The following ADAM12 variants were observed in gnomAD, a reference collection of about 807,000 sequenced individuals.
ADAM12 encodes disintegrin and metalloproteinase domain-containing protein 12.
In ADAM12, 70 loss-of-function variants were observed where a neutral mutation model predicts 106.4. That is an observed-to-expected ratio of 0.66 (90% CI 0.54 to 0.80). The LOEUF (loss-of-function observed/expected upper bound fraction) is 0.80, where lower values mean the gene tolerates loss of function less well. Ranked by LOEUF, ADAM12 falls within the 30% of genes least tolerant of loss-of-function variation. ADAM12 has a pLI of 0.00. For missense variants in ADAM12, 1,010 were observed against 1,171.9 expected (o/e 0.86, Z 2.02); for synonymous variants, 420 against 433.5 (o/e 0.97, Z 0.39).
intron 2 of ADAM12, among the ~76,000 whole-genome samples, chr10:126,290,204 A>G (rs1960085300): frequency 6.6e-6 from 1 of 152,128 alleles, no homozygotes; most frequent in Non-Finnish European, 1.5e-5. Flanking sequence ...GAAAATAGGA[A>G]CCATGTTCCT....
intron 3 of ADAM12, among the ~76,000 whole-genome samples, chr10:126,252,178 G>A (rs1473763513): frequency 1.2e-4 from 1 of 8,678 alleles, no homozygotes; most frequent in Non-Finnish European, 2.7e-4. Flanking sequence ...ATGATGGATG[G>A]ACTCAATGGA....
At chr10:126,268,111 C>T (rs918715849) in intron 3 of ADAM12, among the ~76,000 whole-genome samples, 2 of 152,164 alleles carry the variant, frequency 1.3e-5, no homozygotes, top group East Asian at 1.9e-4. Flanking sequence ...GCCCACCAAA[C>T]GCCTCACTCC....
At chr10:126,374,739 C>T (rs1316287581) in intron 1 of ADAM12, among the ~76,000 whole-genome samples, 1 of 152,044 alleles carries the variant, frequency 6.6e-6, no homozygotes, top group African/African-American at 2.4e-5. Flanking sequence ...CTACATATAA[C>T]AAAAGTTCCA....
At chr10:126,125,491 C>G (rs1007155939) in intron 5 of ADAM12, among the ~76,000 whole-genome samples, 8 of 152,056 alleles carry the variant, frequency 5.3e-5, no homozygotes, top group Non-Finnish European at 8.8e-5. Flanking sequence ...GATCCGCCAG[C>G]CTCGGCCTCC....
chr10:126,345,184 T>C (rs1394606120), intron 1 of ADAM12, among the ~76,000 whole-genome samples: 1 of 152,192 alleles, frequency 6.6e-6, no homozygotes, highest in African/African-American at 2.4e-5. Flanking sequence ...TCTTATTATT[T>C]TGAGATACAT....
At chr10:126,326,545 G>T (rs566124877) in intron 2 of ADAM12, among the ~76,000 whole-genome samples, 17 of 152,246 alleles carry the variant, frequency 1.1e-4, no homozygotes, top group African/African-American at 3.9e-4. Context: ...GGTGCTGTCC[G>T]TGGTCAGAGT....
intron 12 of ADAM12, among the ~76,000 whole-genome samples, chr10:126,068,000 A>G (rs1045146807): frequency 6.6e-6 from 1 of 152,204 alleles, no homozygotes; most frequent in Non-Finnish European, 1.5e-5. Flanking sequence ...CTCTCATTTG[A>G]TGTTCCATTT....
At chr10:126,194,626 A>G (rs1957564274) in intron 3 of ADAM12, among the ~76,000 whole-genome samples, 1 of 152,250 alleles carries the variant, frequency 6.6e-6, no homozygotes, top group Non-Finnish European at 1.5e-5. Flanking sequence ...AAATTCACAA[A>G]TGAAATACAG....
chr10:126,106,070 G>A (rs1343359341), intron 8 of ADAM12, among the ~76,000 whole-genome samples: 1 of 152,104 alleles, frequency 6.6e-6, no homozygotes, highest in Admixed American at 6.5e-5. Flanking sequence ...CCCTTTCCTG[G>A]GGTATGAAGC....
At chr10:126,290,432 A>C (rs191401574) in intron 2 of ADAM12, among the ~76,000 whole-genome samples, 1 of 152,348 alleles carries the variant, frequency 6.6e-6, no homozygotes, top group East Asian at 1.9e-4. Context: ...AACTGGTGTG[A>C]TTTGTTATAG....
chr10:126,132,588 C>T (rs1956327854), intron 5 of ADAM12, among the ~76,000 whole-genome samples: 2 of 148,534 alleles, frequency 1.3e-5, no homozygotes, highest in South Asian at 2.2e-4. Flanking sequence ...ATGATGCTCA[C>T]TAGAGGTGGG....
chr10:126,171,565 C>T (rs766693488), intron 3 of ADAM12, among the ~76,000 whole-genome samples: 3 of 152,212 alleles, frequency 2.0e-5, no homozygotes, highest in Admixed American at 6.5e-5. Flanking sequence ...AGAGTTAGCA[C>T]CTTTTCCTTG....
intron 21 of ADAM12, among the ~76,000 whole-genome samples, chr10:126,024,210 T>C (rs1000843546): frequency 2.0e-5 from 3 of 152,130 alleles, no homozygotes; most frequent in Non-Finnish European, 4.4e-5. Context: ...TATACAAAAA[T>C]ATTGAAAACA....
At chr10:126,295,388 C>T (rs190574541) in intron 2 of ADAM12, among the ~76,000 whole-genome samples, 3 of 152,326 alleles carry the variant, frequency 2.0e-5, no homozygotes, top group Non-Finnish European at 2.9e-5. Context: ...ATAAGGATTA[C>T]ACCACACTGC....
At chr10:126,079,123 C>A (rs1295265134) in intron 11 of ADAM12, among the ~76,000 whole-genome samples, 1 of 152,170 alleles carries the variant, frequency 6.6e-6, no homozygotes, top group Non-Finnish European at 1.5e-5. Context: ...GCCTAGCAAC[C>A]TGTATTTTAA....
chr10:126,081,565 C>A (rs1050340534), intron 11 of ADAM12, among the ~76,000 whole-genome samples: 1 of 152,154 alleles, frequency 6.6e-6, no homozygotes, highest in Non-Finnish European at 1.5e-5. Context: ...ATTGGGCAGA[C>A]CCAGGAGGCT....
rs763703565 is a variant in ADAM12, at chr10:126,155,295, C to T, written c.271G>A (p.Ala91Thr). 11 of 1,613,904 alleles carry T rather than the reference C, an allele frequency of 6.8e-6. No individual in the cohort carries two copies. The highest frequency in any genetic ancestry group is 2.2e-5 in the East Asian group (1 of 44,868). Reference sequence around the variant, plus strand: ...TAGTGGGTTTCCGTGAAACTGCTGGCAATGAGACCTCTGCGGAAAAACAAA... The same window carrying T: ...TAGTGGGTTTCCGTGAAACTGCTGGTAATGAGACCTCTGCGGAAAAACAAA... ...INLERNEGLI[A>T]SSFTETHYLQ... Residue 91 changes from alanine to threonine, a missense_variant, in exon 4 of 23, where the codon GCC becomes ACC. This residue lies in a region of ADAM12 where 391 missense variants were observed against 442.9 expected (regional missense o/e 0.88). Coordinates refer to ENST00000448723, the MANE Select transcript of ADAM12 (RefSeq NM_001288973.2).
chr10:126,237,266 T>C (rs565125352), intron 3 of ADAM12, among the ~76,000 whole-genome samples: 6 of 152,350 alleles, frequency 3.9e-5, no homozygotes, highest in Admixed American at 1.3e-4. Context: ...TGTGTGTTTG[T>C]TGGCCTGGCA....
At chr10:126,019,571 C>T (rs1026155841) in intron 22 of ADAM12, 124 bp downstream of exon 22, 11 of 1,264,864 alleles carry the variant, frequency 8.7e-6, no homozygotes, top group Non-Finnish European at 1.1e-5. Flanking sequence ...ACGGTATTCC[C>T]AGTTGTAGGG....
Sources: gnomAD v4.1 joint callset for allele counts (sites outside exome capture counted in the v4.1 genomes callset) on GRCh38, gnomAD v4.1.1 for gene constraint, gnomAD v4.1.1 regional missense constraint, MANE v1.5 for transcripts, NCBI Gene and HGNC (gene_info 2026-07-23, HGNC 2026-07-21) for gene names.